ARFGEF1: variants seen among roughly 807,000 people sequenced by gnomAD.
ARFGEF1 encodes ARF guanine nucleotide exchange factor 1, also known as brefeldin A-inhibited guanine nucleotide-exchange protein 1.
Under a neutral mutation model 231.0 loss-of-function variants are expected in ARFGEF1, and 42 were observed. The observed-to-expected ratio is 0.18, with a 90% CI of 0.14 to 0.24. The LOEUF (loss-of-function observed/expected upper bound fraction) is 0.24. ARFGEF1 is among the 10% of genes least tolerant of loss of function. The pLI, the probability that ARFGEF1 is intolerant of heterozygous loss-of-function variation, is 1.00. For synonymous variants in ARFGEF1, 710 were observed against 732.3 expected (o/e 0.97, Z 0.49); for missense variants, 1,345 against 2,192.0 (o/e 0.61, Z 7.72).
chr8:67,293,542 T>C (rs1393381691), intron 5 of ARFGEF1, among the ~76,000 whole-genome samples: 3 of 152,208 alleles, frequency 2.0e-5, no homozygotes, highest in African/African-American at 7.2e-5. Flanking sequence ...TAATAGATAA[T>C]AGGCTATATC....
chr8:67,329,275 G>A (rs945765910), intron 1 of ARFGEF1, among the ~76,000 whole-genome samples: 2 of 150,794 alleles, frequency 1.3e-5, no homozygotes, highest in Admixed American at 6.6e-5. Flanking sequence ...AATTTAGGCC[G>A]GGCACAGTGG....
intron 1 of ARFGEF1, among the ~76,000 whole-genome samples, chr8:67,321,756 G>A (rs1304503846): frequency 1.3e-5 from 2 of 152,104 alleles, no homozygotes; most frequent in Non-Finnish European, 2.9e-5. Context: ...CACCACACCC[G>A]GCCGAGAACT....
chr8:67,271,635 A>G, intron 10 of ARFGEF1, 67 bp downstream of exon 10: 1 of 1,170,798 alleles, frequency 8.5e-7, no homozygotes, highest in Non-Finnish European at 1.2e-6. Flanking sequence ...CAGTGTATTC[A>G]AATATAATTT....
In ARFGEF1 at chr8:67,204,710, T is replaced by C. The variant is rs1430464208; in HGVS notation, c.4929A>G (p.Lys1643=). The C allele has an allele frequency of 6.2e-7, 1 of 1,613,806 alleles. No individual in the cohort carries two copies. Among genetic ancestry groups the C allele is most frequent in the South Asian group, 1.1e-5 (1 of 90,930 alleles). The change falls in exon 35 of 39, where the codon AAA becomes AAG. Residue 1643 remains lysine, a synonymous_variant. Transcript: ENST00000262215. ...CTGCAGCTAAGTTTTCTGCATCTTC[T>C]TTCTTACTTGTGGCTGGGAAGAAGA... The part of the protein sequence containing the change: ...NIVFFPATSK[K]EDAENLAAAQ...
intron 1 of ARFGEF1, 62 bp downstream of exon 1, chr8:67,343,102 C>CCGG: frequency 3.6e-6 from 2 of 560,598 alleles, no homozygotes; most frequent in East Asian, 5.0e-5. Flanking sequence ...CACCCCCCCA[C>CCGG]AGGCGCCCCC....
intron 4 of ARFGEF1, among the ~76,000 whole-genome samples, chr8:67,297,826 C>G (rs1236894233): frequency 6.8e-6 from 1 of 146,782 alleles, no homozygotes; most frequent in African/African-American, 2.5e-5. Context: ...TTTTTTGAGA[C>G]AGGATCTCAC....
At chr8:67,286,881 T>G (rs1805783578) in intron 7 of ARFGEF1, among the ~76,000 whole-genome samples, 1 of 152,144 alleles carries the variant, frequency 6.6e-6, no homozygotes, top group Admixed American at 6.6e-5. Flanking sequence ...TCATAATCAT[T>G]TCCACACAGA....
Position 67,216,603 on chromosome 8 carries a change from C to T in ARFGEF1, c.4673G>A (p.Ser1558Asn), listed in dbSNP as rs773554490. 4.4e-6 allele frequency: 7 copies of T among 1,603,246 alleles called. 1 individual carries two copies. In the South Asian group the frequency reaches 7.9e-5, roughly 18 times the overall value. ...ETAPPPPSPV[S>N]EKPLDTISQK... ...ATTAAAACTTACCAATGGCTTTTCA[C>T]TTACAGGAGATGGAGGTGGGGGGGC... The change falls in exon 33 of 39, where the codon AGT (serine) becomes AAT (asparagine). Residue 1558 changes from serine (S) to asparagine (N), a missense_variant. By Grantham distance (46) the Ser-to-Asn change is conservative (BLOSUM62 1). Around this residue, in one of 14 missense-constraint regions of ARFGEF1, gnomAD observed 89 missense variants for 74.8 expected, o/e 1.19. Transcript: ENST00000262215.
At chr8:67,216,701 G>C (rs1369852131) in intron 32 of ARFGEF1, 39 bp from the exon 33 acceptor site, 1 of 1,507,086 alleles carries the variant, frequency 6.6e-7, no homozygotes. Context: ...CTAGGGGGCT[G>C]TGCCACATGC....
Position 67,270,753 on chromosome 8 carries a change from A to G in ARFGEF1, c.1572+949T>C, listed in dbSNP as rs544968459. 3.2e-3 allele frequency among the ~76,000 whole-genome samples: 475 copies of G among 149,260 alleles called. 4 individuals carry two copies. The highest frequency in any genetic ancestry group is 0.011 in the African/African-American group (457 of 40,778). ...AAAAAAACCACATAAAGCTGGGCGC[A>G]GTGGCTCACACCTATGCTCCCAGCA... is the stretch of plus-strand genomic sequence containing the variant. On this transcript the variant is annotated intron_variant, in intron 10 of 38. Transcript: ENST00000262215.
intron 22 of ARFGEF1, among the ~76,000 whole-genome samples, chr8:67,235,451 T>C (rs1216839215): frequency 6.6e-6 from 1 of 152,138 alleles, no homozygotes; most frequent in Non-Finnish European, 1.5e-5. Context: ...AAATAAGATT[T>C]TTTAAACTAT....
intron 29 of ARFGEF1, among the ~76,000 whole-genome samples, chr8:67,224,256 A>G (rs111567605): frequency 0.025 from 3,808 of 152,280 alleles, 110 homozygotes; most frequent in South Asian, 0.047. Flanking sequence ...AGATATTAGG[A>G]CACACAAGCT....
chr8:67,259,951 TA>T (rs1335320672), intron 14 of ARFGEF1, 25 bp from the exon 15 acceptor site: 1 of 1,495,964 alleles, frequency 6.7e-7, no homozygotes, highest in Non-Finnish European at 9.2e-7. Flanking sequence ...ATAAGAACAT[TA>T]AAAATAGAAA....
intron 1 of ARFGEF1, among the ~76,000 whole-genome samples, chr8:67,328,346 A>T (rs1807936523): frequency 6.6e-6 from 1 of 152,196 alleles, no homozygotes; most frequent in South Asian, 2.1e-4. Flanking sequence ...TTTATCTTTA[A>T]TATTAAAAAA....
At chr8:67,312,659 A>G (rs1807127728) in intron 1 of ARFGEF1, among the ~76,000 whole-genome samples, 1 of 152,246 alleles carries the variant, frequency 6.6e-6, no homozygotes, top group Admixed American at 6.5e-5. Flanking sequence ...GAAACATATA[A>G]CACTATTCTC....
At chr8:67,289,549 C>CAAAAAAAAAAAAAA (rs552601455) in intron 6 of ARFGEF1, among the ~76,000 whole-genome samples, 2 of 44,842 alleles carry the variant, frequency 4.5e-5, no homozygotes, top group African/African-American at 1.4e-4. Context: ...ACTCTGTATC[C>CAAAAAAAAAAAAAA]AAAAAAAAAA....
Position 67,211,581 on chromosome 8 carries a change from T to C in ARFGEF1, c.4721A>G (p.Asp1574Gly), listed in dbSNP as rs914079132. The change falls in exon 34 of 39, where the codon GAT becomes GGT. Residue 1574 changes from aspartate (D) to glycine (G), a missense_variant. Around this residue, in one of 14 missense-constraint regions of ARFGEF1, gnomAD observed 89 missense variants for 74.8 expected, o/e 1.19. Transcript: ENST00000262215. The stretch of plus-strand genomic sequence containing the variant: ...ATCCACAGACCTTGGTTGAATAGAA[T>C]CATGAATATCTACAGACTTCTGTGA... ...TISQKSVDIH[D>G]SIQPRSVDNR... 1.3e-6 allele frequency: 2 copies of C among 1,547,552 alleles called. No individual in the cohort carries two copies. The highest frequency in any genetic ancestry group is 1.8e-6 in the Non-Finnish European group (2 of 1,141,242).
chr8:67,176,269 G>A (rs1254800095), intron 5 of ARFGEF1, among the ~76,000 whole-genome samples: 1 of 152,126 alleles, frequency 6.6e-6, no homozygotes, highest in East Asian at 1.9e-4. Context: ...AAGAGTGGAA[G>A]GGATGCTCCT....
At chr8:67,185,095 A>T (rs1283821344) in intron 5 of ARFGEF1, among the ~76,000 whole-genome samples, 1 of 147,612 alleles carries the variant, frequency 6.8e-6, no homozygotes, top group Non-Finnish European at 1.5e-5. Flanking sequence ...ACAGAGCAAG[A>T]CTCCGTCTCA....
Sources: allele counts gnomAD v4.1 joint callset (sites outside exome capture counted in the v4.1 genomes callset), GRCh38; gene constraint gnomAD v4.1.1; regional missense constraint gnomAD v4.1.1; transcripts MANE v1.5; gene names NCBI Gene and HGNC (gene_info 2026-07-23, HGNC 2026-07-21).